Variants in FAM3C observed in about 807,000 individuals in gnomAD.
FAM3C encodes FAM3 metabolism regulating signaling molecule C, also known as protein FAM3C.
Under a neutral mutation model 32.5 loss-of-function variants are expected in FAM3C, and 15 were observed. That is an observed-to-expected ratio of 0.46 (90% CI 0.31 to 0.71). FAM3C has a LOEUF of 0.71. Among genes scored for constraint, FAM3C ranks in the 30% least tolerant of loss-of-function variants. The pLI is 0.05. For synonymous variants in FAM3C, 75 were observed against 86.1 expected, an observed-to-expected ratio of 0.87 and a Z score of 0.72; for missense variants, 175 against 274.4, an observed-to-expected ratio of 0.64 and a Z score of 2.56.
Position 121,350,201 on chromosome 7 carries a change from T to C in FAM3C, c.*260A>G, listed in dbSNP as rs1037996416. On this transcript the variant is annotated 3_prime_UTR_variant, in exon 10 of 10. Coordinates refer to ENST00000359943, the MANE Select transcript of FAM3C (RefSeq NM_014888.3). The stretch of plus-strand genomic sequence containing the variant: ...GTGTATGCTTTTAGAATTTAAAATA[T>C]GTATTACCATAGCAGTCTAAACATT... The C allele has an allele frequency of 7.3e-6, 3 of 408,466 alleles. No individual in the cohort carries two copies. The highest frequency in any genetic ancestry group is 8.4e-5 in the Admixed American group (2 of 23,684). 25.3% of individuals were successfully genotyped at this position (408,466 alleles called of 1,614,324 possible).
At chr7:121,385,653 C>G (rs183788836) in intron 1 of FAM3C, among the ~76,000 whole-genome samples, 5 of 152,280 alleles carry the variant, frequency 3.3e-5, no homozygotes, top group Admixed American at 3.3e-4. Flanking sequence ...TCAGGAACAA[C>G]AGAGTAAAAT....
chr7:121,384,190 TAA>T lies in FAM3C; in HGVS notation c.-41-1182_-41-1181del, dbSNP rs1281458250. Among the ~76,000 whole-genome samples, 7 of 152,248 alleles carry T rather than the reference TAA, an allele frequency of 4.6e-5. No homozygotes were observed. In the South Asian group the frequency reaches 1.5e-3, roughly 32 times the overall value. On this transcript the variant is annotated intron_variant, in intron 1 of 9. Coordinates refer to ENST00000359943, the MANE Select transcript of FAM3C (RefSeq NM_014888.3). ...CATACCCTAAAGAAAAAACAACACTTAAACTGAGTTGTGTGTCATTGATTTCC... is the reference window on the plus strand; with the variant it reads ...CATACCCTAAAGAAAAAACAACACTTACTGAGTTGTGTGTCATTGATTTCC...
At chr7:121,380,061 C>T (rs1253345457) in intron 2 of FAM3C, 1 of 152,150 alleles carries the variant, frequency 6.6e-6, no homozygotes, top group Non-Finnish European at 1.5e-5. Context: ...ACTCTTCTCC[C>T]CAGGATCTAG....
At chr7:121,383,374 T>C (rs1034021479) in intron 1 of FAM3C, among the ~76,000 whole-genome samples, 1 of 152,178 alleles carries the variant, frequency 6.6e-6, no homozygotes, top group Non-Finnish European at 1.5e-5. Context: ...GAGGTTAAGC[T>C]GCTTATCTAG....
intron 7 of FAM3C, 189 bp downstream of exon 7, chr7:121,362,708 A>G (rs968689899): frequency 1.9e-6 from 1 of 531,324 alleles, no homozygotes; most frequent in South Asian, 2.7e-5. Context: ...ATTTTTTTCT[A>G]AGAAGAAGAA....
Position 121,379,663 on chromosome 7 carries a change from A to C in FAM3C, c.14-649T>G, listed in dbSNP as rs980212542. Among the ~76,000 whole-genome samples the C allele has an allele frequency of 6.6e-5, 10 of 152,246 alleles. No homozygotes were observed. The South Asian group carries it at 1.2e-3, about 19-fold the overall frequency. Reference sequence around the variant, plus strand: ...ATAACACAGTTACATGGAAAGCTCCAAGTGCGCAGACTCTTCAATGAACTG... The same window carrying C: ...ATAACACAGTTACATGGAAAGCTCCCAGTGCGCAGACTCTTCAATGAACTG... On this transcript the variant is annotated intron_variant, in intron 2 of 9. Coordinates refer to ENST00000359943, the MANE Select transcript of FAM3C (RefSeq NM_014888.3).
At chr7:121,362,574 T>A (rs888886554) in intron 7 of FAM3C, 21 of 228,800 alleles carry the variant, frequency 9.2e-5, no homozygotes, top group Admixed American at 4.1e-4. Flanking sequence ...TTTTTTTTTT[T>A]AAATTTTAGA....
chr7:121,367,521 TA>T (rs1001446344), intron 5 of FAM3C, among the ~76,000 whole-genome samples: 23 of 151,452 alleles, frequency 1.5e-4, no homozygotes, highest in Admixed American at 3.3e-4. Flanking sequence ...GATCCCTTGT[TA>T]AAAAAAAATC....
At chr7:121,385,096 T>A (rs903437165) in intron 1 of FAM3C, among the ~76,000 whole-genome samples, 1 of 152,000 alleles carries the variant, frequency 6.6e-6, no homozygotes, top group African/African-American at 2.4e-5. Flanking sequence ...AGCACAATAG[T>A]AAAGGGAGAA....
intron 5 of FAM3C, among the ~76,000 whole-genome samples, chr7:121,368,975 T>G (rs1461225290): frequency 5.0e-4 from 42 of 83,616 alleles, no homozygotes; most frequent in South Asian, 4.2e-3. Context: ...TGTTGTTGTT[T>G]TTTTTTTTTT....
intron 8 of FAM3C, among the ~76,000 whole-genome samples, chr7:121,352,407 G>A (rs1002874016): frequency 6.6e-6 from 1 of 151,904 alleles, no homozygotes; most frequent in African/African-American, 2.4e-5. Flanking sequence ...CGTGGGGGCT[G>A]TGGAGCTGTT....
intron 2 of FAM3C, 106 bp from the exon 3 acceptor site, chr7:121,379,120 C>T (rs1794299588): frequency 1.6e-6 from 1 of 639,152 alleles, no homozygotes; most frequent in Middle Eastern, 2.7e-4. Flanking sequence ...TACATTTCTA[C>T]TTTGTATCTA....
At chr7:121,362,716 G>T (rs1793949796) in intron 7 of FAM3C, 181 bp downstream of exon 7, 4 of 549,290 alleles carry the variant, frequency 7.3e-6, no homozygotes, top group Admixed American at 4.1e-5. Flanking sequence ...CTAAGAAGAA[G>T]AAAGTATATA....
chr7:121,388,591 T>TA (rs1204749644), intron 1 of FAM3C, among the ~76,000 whole-genome samples: 2 of 152,100 alleles, frequency 1.3e-5, no homozygotes, highest in African/African-American at 2.4e-5. Context: ...AGTGAACCAA[T>TA]AAGAGTTTTA....
rs1372875087 is a variant in FAM3C at position 121,349,504 on chromosome 7, C to T, written c.*957G>A. 1 of 152,038 alleles carries T rather than the reference C, an allele frequency of 6.6e-6. No homozygotes were observed. Among genetic ancestry groups the T allele is most frequent in the East Asian group, 1.9e-4 (1 of 5,202 alleles). The allele number at this position is 152,038 out of a possible 1,614,324, so 9.4% of individuals were successfully genotyped here. On this transcript the variant is annotated 3_prime_UTR_variant, in exon 10 of 10. Coordinates refer to ENST00000359943, the MANE Select transcript of FAM3C (RefSeq NM_014888.3). ...AACTTTTGTAAATATGCCACTATAGCTTCGGGCAATAATTGCTATTATGAA... is the reference window on the plus strand; with the variant it reads ...AACTTTTGTAAATATGCCACTATAGTTTCGGGCAATAATTGCTATTATGAA...
chr7:121,384,304 A>G (rs1484503867), intron 1 of FAM3C, among the ~76,000 whole-genome samples: 1 of 152,222 alleles, frequency 6.6e-6, no homozygotes, highest in Non-Finnish European at 1.5e-5. Flanking sequence ...GGCTAGGAAA[A>G]TACTAAAAGG....
intron 3 of FAM3C, among the ~76,000 whole-genome samples, chr7:121,372,528 G>A (rs982256042): frequency 1.3e-5 from 2 of 152,096 alleles, no homozygotes; most frequent in African/African-American, 2.4e-5. Flanking sequence ...GTACAGATAC[G>A]CAAAGAAAGC....
intron 5 of FAM3C, among the ~76,000 whole-genome samples, chr7:121,367,736 G>A (rs939321568): frequency 2.6e-5 from 4 of 152,150 alleles, no homozygotes; most frequent in African/African-American, 7.2e-5. Context: ...GGAGGCTGAG[G>A]TGGGAAGACT....
chr7:121,384,364 A>C (rs1794423778), intron 1 of FAM3C, among the ~76,000 whole-genome samples: 1 of 152,130 alleles, frequency 6.6e-6, no homozygotes, highest in Non-Finnish European at 1.5e-5. Flanking sequence ...GCAGAAAAAA[A>C]CCTCCGCTTT....
Sources: allele counts gnomAD v4.1 joint callset (sites outside exome capture counted in the v4.1 genomes callset), GRCh38; gene constraint gnomAD v4.1.1; transcripts MANE v1.5; gene names NCBI Gene and HGNC (gene_info 2026-07-23, HGNC 2026-07-21).